PRDM11: variants seen among roughly 807,000 people sequenced by gnomAD.
PRDM11 encodes the protein PR/SET domain 11, also known as PR domain-containing protein 11.
A neutral mutation model predicts 97.8 loss-of-function variants in PRDM11; 20 were observed. That is an observed-to-expected ratio of 0.20 (90% CI 0.14 to 0.30). The LOEUF (loss-of-function observed/expected upper bound fraction) is 0.30. PRDM11 is among the 10% of genes least tolerant of loss of function. The pLI, the probability that PRDM11 is intolerant of heterozygous loss-of-function variation, is 1.00. For missense variants in PRDM11, 1,139 were observed against 1,555.2 expected (o/e 0.73, Z 4.50); for synonymous variants, 599 against 637.7 (o/e 0.94, Z 0.91).
intron 1 of PRDM11, among the ~76,000 whole-genome samples, chr11:45,131,578 C>A (rs1257627568): frequency 1.3e-5 from 2 of 152,094 alleles, no homozygotes; most frequent in Non-Finnish European, 2.9e-5. Flanking sequence ...GTTGTCACAC[C>A]ATTATGTATA....
chr11:45,222,121 AT>A (rs1355515569), intron 6 of PRDM11, among the ~76,000 whole-genome samples: 1 of 152,258 alleles, frequency 6.6e-6, no homozygotes, highest in African/African-American at 2.4e-5. Context: ...AATAGATTGC[AT>A]CTAAAGCTCG....
intron 5 of PRDM11, among the ~76,000 whole-genome samples, chr11:45,216,779 A>T (rs140610016): frequency 6.6e-6 from 1 of 152,352 alleles, no homozygotes; most frequent in East Asian, 1.9e-4. Flanking sequence ...TTGATTCTTG[A>T]TGGATAGAAA....
chr11:45,190,218 C>A (rs1406875051), intron 4 of PRDM11, among the ~76,000 whole-genome samples: 1 of 151,846 alleles, frequency 6.6e-6, no homozygotes, highest in Non-Finnish European at 1.5e-5. Context: ...ATGATCTCAG[C>A]TCACTGCAAC....
chr11:45,162,821 T>C (rs1000044787), intron 1 of PRDM11, among the ~76,000 whole-genome samples: 1 of 152,234 alleles, frequency 6.6e-6, no homozygotes, highest in Non-Finnish European at 1.5e-5. Context: ...CCTGGCACCA[T>C]GCCTGACACA....
rs555167495 is a variant in PRDM11, at chr11:45,216,617, A to G, written c.555-2953A>G. Among the ~76,000 whole-genome samples, 14 of 152,318 alleles carry G rather than the reference A, an allele frequency of 9.2e-5. No individual in the cohort carries two copies. In the East Asian group the frequency reaches 1.9e-3, roughly 21 times the overall value. ...ATAACATAAACATCTTGTCAGGGGAATGGGTTGTGATTCACCAAGAGTTGC... is the reference window on the plus strand; with the variant it reads ...ATAACATAAACATCTTGTCAGGGGAGTGGGTTGTGATTCACCAAGAGTTGC... On this transcript the variant is annotated intron_variant, in intron 5 of 7. Coordinates refer to ENST00000683152, the MANE Select transcript of PRDM11 (RefSeq NM_001384648.1).
chr11:45,184,455 T>A lies in PRDM11; in HGVS notation c.486+1332T>A, dbSNP rs567655195. ...CCCCAGGTAGAGCGTGTGGGAGTTCTGTAGTCGGCAATGGTGGAAGACTGG... is the reference window on the plus strand; with the variant it reads ...CCCCAGGTAGAGCGTGTGGGAGTTCAGTAGTCGGCAATGGTGGAAGACTGG... On this transcript the variant is annotated intron_variant, in intron 4 of 7. Coordinates refer to ENST00000683152, the MANE Select transcript of PRDM11 (RefSeq NM_001384648.1). Among the ~76,000 whole-genome samples, 9 of 152,316 alleles carry A rather than the reference T, an allele frequency of 5.9e-5. No individual in the cohort carries two copies. The South Asian group carries it at 6.2e-4, about 11-fold the overall frequency.
chr11:45,224,869 G>T (rs34750782), intron 7 of PRDM11, 26 bp downstream of exon 7: 633 of 1,610,272 alleles, frequency 3.9e-4, no homozygotes, highest in Admixed American at 1.3e-3. Context: ...TGAGATTATT[G>T]TCGGAGGGCA....
At chr11:45,141,626 G>A (rs1851405334) in intron 1 of PRDM11, among the ~76,000 whole-genome samples, 1 of 152,186 alleles carries the variant, frequency 6.6e-6, no homozygotes, top group Admixed American at 6.5e-5. Context: ...GAGACCTGAT[G>A]TGGTAAAGAC....
intron 1 of PRDM11, among the ~76,000 whole-genome samples, chr11:45,157,066 G>A (rs921006631): frequency 6.6e-6 from 1 of 152,150 alleles, no homozygotes; most frequent in African/African-American, 2.4e-5. Flanking sequence ...GGGAGCTGTC[G>A]GTGGTTTGTA....
intron 1 of PRDM11, among the ~76,000 whole-genome samples, chr11:45,157,601 GT>G (rs1554968011): frequency 1.3e-5 from 2 of 152,220 alleles, no homozygotes; most frequent in Non-Finnish European, 2.9e-5. Flanking sequence ...CCAGAAGGCT[GT>G]TCCTCGATTG....
chr11:45,187,715 G>A (rs533497079), intron 4 of PRDM11, among the ~76,000 whole-genome samples: 2 of 152,272 alleles, frequency 1.3e-5, no homozygotes, highest in Admixed American at 1.3e-4. Flanking sequence ...GGCCATATGG[G>A]GGCTTTGACC....
rs932140563 is a variant in PRDM11, at chr11:45,231,987, G to T, written c.*3828G>T. ...TGGCAAGGTTCAGTGCTGGGCCCTG[G>T]AATCTATGGCACTTGGGGGTCTCTG... On this transcript the variant is annotated 3_prime_UTR_variant, in exon 8 of 8. Transcript: ENST00000683152. 1 of 152,096 alleles carries T rather than the reference G, an allele frequency of 6.6e-6. No homozygotes were observed. 9.4% of individuals were successfully genotyped at this position (152,096 alleles called of 1,614,324 possible). A position where few individuals can be genotyped will look rare whatever the true frequency, so the allele number is the denominator to read the frequency against.
chr11:45,207,271 C>T (rs975515635), intron 5 of PRDM11, among the ~76,000 whole-genome samples: 13 of 152,138 alleles, frequency 8.5e-5, no homozygotes, highest in African/African-American at 1.9e-4. Context: ...GTCATGGCAC[C>T]GCTTGGGGAT....
intron 1 of PRDM11, among the ~76,000 whole-genome samples, chr11:45,129,658 T>A (rs1852675643): frequency 6.6e-6 from 1 of 152,130 alleles, no homozygotes; most frequent in African/African-American, 2.4e-5. Flanking sequence ...ACATAAACAC[T>A]TCATGTTTAC....
intron 1 of PRDM11, among the ~76,000 whole-genome samples, chr11:45,151,924 A>G (rs533085575): frequency 6.6e-6 from 1 of 152,186 alleles, no homozygotes; most frequent in African/African-American, 2.4e-5. Flanking sequence ...GAAAATAACA[A>G]TAATAGTATG....
chr11:45,121,977 A>C (rs191583328), intron 1 of PRDM11, among the ~76,000 whole-genome samples: 2 of 152,244 alleles, frequency 1.3e-5, no homozygotes, highest in African/African-American at 4.8e-5. Context: ...GATATACGGA[A>C]AATTAATGAA....
intron 5 of PRDM11, among the ~76,000 whole-genome samples, chr11:45,211,095 A>G (rs936435184): frequency 2.6e-5 from 4 of 152,146 alleles, no homozygotes; most frequent in African/African-American, 9.7e-5. Flanking sequence ...GCACTCGGCC[A>G]GGGGCTTGGC....
chr11:45,190,898 A>C, intron 4 of PRDM11, among the ~76,000 whole-genome samples: 1 of 152,202 alleles, frequency 6.6e-6, no homozygotes, highest in Non-Finnish European at 1.5e-5. Flanking sequence ...CTACAGCCAT[A>C]GTTGGCTGAC....
At chr11:45,110,734 A>T (rs1439283857) in intron 1 of PRDM11, among the ~76,000 whole-genome samples, 1 of 152,208 alleles carries the variant, frequency 6.6e-6, no homozygotes, top group East Asian at 1.9e-4. Flanking sequence ...TGCGGGGTGC[A>T]AGGAGCTTCA....
Sources: gnomAD v4.1 joint callset for allele counts (sites outside exome capture counted in the v4.1 genomes callset) on GRCh38, gnomAD v4.1.1 for gene constraint, MANE v1.5 for transcripts, NCBI Gene and HGNC (gene_info 2026-07-23, HGNC 2026-07-21) for gene names.